PRKG1: variants seen among roughly 807,000 people sequenced by gnomAD.
PRKG1 encodes protein kinase cGMP-dependent 1.
Under a neutral mutation model 88.1 loss-of-function variants are expected in PRKG1, and 35 were observed. The observed-to-expected ratio is 0.40, with a 90% CI of 0.30 to 0.53. PRKG1 has a LOEUF of 0.53. Ranked by LOEUF, PRKG1 falls within the 20% of genes least tolerant of loss-of-function variation. The pLI is 0.59. For synonymous variants in PRKG1, 303 were observed against 292.5 expected, an observed-to-expected ratio of 1.04 and a Z score of -0.37; for missense variants, 540 against 839.8, an observed-to-expected ratio of 0.64 and a Z score of 4.41.
intron 3 of PRKG1, among the ~76,000 whole-genome samples, chr10:51,675,633 T>G (rs1840691741): frequency 6.6e-6 from 1 of 152,212 alleles, no homozygotes; most frequent in African/African-American, 2.4e-5. Context: ...CCCAAAGTGT[T>G]TCCAGTCAGC....
chr10:52,055,389 T>C (rs1846086399), intron 6 of PRKG1, among the ~76,000 whole-genome samples: 1 of 152,206 alleles, frequency 6.6e-6, no homozygotes, highest in Admixed American at 6.5e-5. Context: ...CTAAAGGTGA[T>C]AAATTATAAA....
At chr10:51,752,365 A>G (rs186135520) in intron 3 of PRKG1, among the ~76,000 whole-genome samples, 1 of 152,320 alleles carries the variant, frequency 6.6e-6, no homozygotes, top group Non-Finnish European at 1.5e-5. Context: ...GCAGGAGTTT[A>G]TCTTTTGTCT....
chr10:51,394,885 T>C (rs1837534994), intron 2 of PRKG1, among the ~76,000 whole-genome samples: 1 of 152,212 alleles, frequency 6.6e-6, no homozygotes. Flanking sequence ...CTCCCAACAG[T>C]GATTTTCCAC....
intron 17 of PRKG1, among the ~76,000 whole-genome samples, chr10:52,292,388 G>A (rs530052351): frequency 5.3e-5 from 8 of 151,978 alleles, no homozygotes; most frequent in African/African-American, 1.9e-4. Context: ...GGGTTTTTAT[G>A]GTTTTAGGTC....
chr10:51,553,087 T>C (rs1403543409), intron 3 of PRKG1, among the ~76,000 whole-genome samples: 6 of 151,814 alleles, frequency 4.0e-5, no homozygotes, highest in African/African-American at 1.4e-4. Flanking sequence ...TAATACCAGA[T>C]TATTTAGTAC....
intron 3 of PRKG1, among the ~76,000 whole-genome samples, chr10:51,659,855 C>G (rs1840252015): frequency 6.6e-6 from 1 of 151,944 alleles, no homozygotes; most frequent in Non-Finnish European, 1.5e-5. Context: ...GCAGTGCTGA[C>G]CAGTAGAAAT....
chr10:52,217,300 C>A (rs113536900), intron 9 of PRKG1, among the ~76,000 whole-genome samples: 1 of 151,508 alleles, frequency 6.6e-6, no homozygotes, highest in Non-Finnish European at 1.5e-5. Flanking sequence ...GAGAGATGTG[C>A]GGGGTAAATA....
At chr10:51,868,565 C>T (rs985179403) in intron 4 of PRKG1, among the ~76,000 whole-genome samples, 5 of 152,014 alleles carry the variant, frequency 3.3e-5, no homozygotes, top group African/African-American at 1.2e-4. Flanking sequence ...ATATCTTCCC[C>T]TGTTCTGTCT....
chr10:51,392,131 A>T (rs1419129810), intron 2 of PRKG1, among the ~76,000 whole-genome samples: 3 of 149,316 alleles, frequency 2.0e-5, no homozygotes, highest in African/African-American at 7.7e-5. Flanking sequence ...TTTTTACATG[A>T]TGAATTTTTT....
At chr10:51,758,160 G>A (rs1426081346) in intron 3 of PRKG1, among the ~76,000 whole-genome samples, 1 of 152,184 alleles carries the variant, frequency 6.6e-6, no homozygotes, top group Non-Finnish European at 1.5e-5. Flanking sequence ...ATGTGCTTAT[G>A]TGATATTATT....
At chr10:51,183,606 C>T (rs918049975) in intron 2 of PRKG1, among the ~76,000 whole-genome samples, 1 of 152,072 alleles carries the variant, frequency 6.6e-6, no homozygotes, top group Non-Finnish European at 1.5e-5. Flanking sequence ...TCTACTTACC[C>T]AAGATCAAGG....
intron 4 of PRKG1, among the ~76,000 whole-genome samples, chr10:51,863,517 G>T (rs969052526): frequency 2.0e-5 from 3 of 152,038 alleles, no homozygotes; most frequent in Non-Finnish European, 4.4e-5. Flanking sequence ...GCTGTGGTTT[G>T]GTATGAATGT....
chr10:51,393,889 T>G (rs1450252407), intron 2 of PRKG1, among the ~76,000 whole-genome samples: 1 of 152,176 alleles, frequency 6.6e-6, no homozygotes, highest in Non-Finnish European at 1.5e-5. Context: ...GGGGTATATA[T>G]GGTAAAAAGC....
At position 52,277,747 on chromosome 10, in the gene PRKG1, T is replaced by G. The variant is rs528438466; in HGVS notation, c.1404-3042T>G. ...TAGCATTTTTCCATCTTTCTGCTAA[T>G]GACCAGCTTATTCAGAATATAAGTA... is the stretch of plus-strand genomic sequence containing the variant. On this transcript the variant is annotated intron_variant, in intron 12 of 17. Coordinates refer to ENST00000373980, the MANE Select transcript of PRKG1 (RefSeq NM_006258.4). Among the ~76,000 whole-genome samples the G allele has an allele frequency of 9.8e-5, 15 of 152,348 alleles. No homozygotes were observed. In the South Asian group the frequency reaches 2.9e-3, roughly 29 times the overall value.
At chr10:51,766,231 G>C (rs1480987816) in intron 3 of PRKG1, among the ~76,000 whole-genome samples, 1 of 152,078 alleles carries the variant, frequency 6.6e-6, no homozygotes, top group Non-Finnish European at 1.5e-5. Context: ...TAAATACGAC[G>C]CTTTTATAAA....
chr10:51,435,271 C>T (rs1042572448), intron 2 of PRKG1, among the ~76,000 whole-genome samples: 71 of 151,840 alleles, frequency 4.7e-4, no homozygotes, highest in African/African-American at 1.6e-3. Context: ...TGTTTTATAA[C>T]GGATTGATCT....
chr10:51,612,669 G>A (rs1419465935), intron 3 of PRKG1, among the ~76,000 whole-genome samples: 1 of 152,006 alleles, frequency 6.6e-6, no homozygotes, highest in Non-Finnish European at 1.5e-5. Context: ...TCTTGAGTAA[G>A]AGTGGTGAAA....
chr10:51,065,090 G>A (rs965348424), intron 1 of PRKG1, among the ~76,000 whole-genome samples: 3 of 152,050 alleles, frequency 2.0e-5, no homozygotes, highest in Non-Finnish European at 4.4e-5. Context: ...GAAAGCATCT[G>A]CTTTCGAAAT....
At chr10:51,981,172 G>A (rs1333331084) in intron 5 of PRKG1, among the ~76,000 whole-genome samples, 1 of 152,082 alleles carries the variant, frequency 6.6e-6, no homozygotes, top group Non-Finnish European at 1.5e-5. Context: ...GCTCTTTTAA[G>A]CATGTCTGGT....
Sources: allele counts gnomAD v4.1 joint callset (sites outside exome capture counted in the v4.1 genomes callset), GRCh38; gene constraint gnomAD v4.1.1; transcripts MANE v1.5; gene names NCBI Gene and HGNC (gene_info 2026-07-23, HGNC 2026-07-21).